The following AKT3 variants were observed in gnomAD, a reference collection of about 807,000 sequenced individuals.
AKT3 encodes AKT serine/threonine kinase 3, also known as RAC-gamma serine/threonine-protein kinase.
Under a neutral mutation model 65.3 loss-of-function variants are expected in AKT3, and 15 were observed. The observed-to-expected ratio is 0.23, with a 90% confidence interval of 0.15 to 0.35. The LOEUF (loss-of-function observed/expected upper bound fraction) is 0.35. Ranked by LOEUF, AKT3 falls within the 10% of genes least tolerant of loss-of-function variation. The pLI is 1.00. For synonymous variants in AKT3, 206 were observed against 183.8 expected (o/e 1.12, Z -0.98); for missense variants, 243 against 576.5 (o/e 0.42, Z 5.92).
chr1:243,630,553 C>A (rs1249673348), intron 6 of AKT3, among the ~76,000 whole-genome samples: 2 of 152,174 alleles, frequency 1.3e-5, no homozygotes, highest in South Asian at 2.1e-4. Context: ...GTAACTAATC[C>A]TCAGTAATTT....
intron 6 of AKT3, among the ~76,000 whole-genome samples, chr1:243,637,304 AATT>A (rs892816110): frequency 5.3e-5 from 8 of 152,246 alleles, no homozygotes; most frequent in Admixed American, 2.6e-4. Flanking sequence ...CGATAGGAGA[AATT>A]ATTAAAAAGC....
intron 2 of AKT3, among the ~76,000 whole-genome samples, chr1:243,733,953 T>C (rs1377920727): frequency 6.6e-6 from 1 of 152,218 alleles, no homozygotes; most frequent in African/African-American, 2.4e-5. Context: ...CTGTAACCAT[T>C]AGCCTAATTC....
chr1:243,824,270 T>G (rs752727773), intron 2 of AKT3, among the ~76,000 whole-genome samples: 4 of 152,122 alleles, frequency 2.6e-5, no homozygotes, highest in Non-Finnish European at 4.4e-5. Flanking sequence ...AATACAGATT[T>G]AAAGACTTAA....
intron 2 of AKT3, among the ~76,000 whole-genome samples, chr1:243,800,690 C>T (rs1034682709): frequency 1.3e-5 from 2 of 151,766 alleles, no homozygotes; most frequent in Admixed American, 6.6e-5. Flanking sequence ...TGCACTCCAG[C>T]CCAGCGACAG....
chr1:243,681,331 A>G (rs1453012461), intron 3 of AKT3, among the ~76,000 whole-genome samples: 3 of 152,148 alleles, frequency 2.0e-5, no homozygotes, highest in African/African-American at 7.2e-5. Flanking sequence ...TATACTCAAT[A>G]TTTCAAGAAA....
intron 2 of AKT3, among the ~76,000 whole-genome samples, chr1:243,713,489 C>A (rs1686286352): frequency 6.6e-6 from 1 of 152,110 alleles, no homozygotes; most frequent in Non-Finnish European, 1.5e-5. Context: ...TAAACCGTCT[C>A]AAGTTCTAGC....
intron 12 of AKT3, among the ~76,000 whole-genome samples, chr1:243,530,359 A>G (rs2148411143): frequency 6.6e-6 from 1 of 152,330 alleles, no homozygotes; most frequent in East Asian, 1.9e-4. Context: ...AGAAATCAAT[A>G]CTAAGAAACT....
At chr1:243,733,337 T>C (rs1462106568) in intron 2 of AKT3, among the ~76,000 whole-genome samples, 1 of 152,226 alleles carries the variant, frequency 6.6e-6, no homozygotes, top group Non-Finnish European at 1.5e-5. Context: ...TATTGTAGTA[T>C]TAACTGACTA....
At chr1:243,644,682 G>A (rs1680673995) in intron 5 of AKT3, among the ~76,000 whole-genome samples, 1 of 151,964 alleles carries the variant, frequency 6.6e-6, no homozygotes, top group South Asian at 2.1e-4. Flanking sequence ...CTCCAACTGA[G>A]TCTCCAAAAA....
At chr1:243,499,577 G>T (rs1257361329), downstream of AKT3, 2 of 648,004 alleles carry the variant, frequency 3.1e-6, no homozygotes, top group Non-Finnish European at 5.5e-6. Flanking sequence ...ATATGTGAAG[G>T]GCTTTGATGT....
At chr1:243,598,422 G>A (rs1445492571) in intron 8 of AKT3, among the ~76,000 whole-genome samples, 2 of 152,240 alleles carry the variant, frequency 1.3e-5, no homozygotes, top group East Asian at 1.9e-4. Flanking sequence ...GCTTAGCCAT[G>A]CTATAGGAAT....
At chr1:243,740,180 A>G (rs768111509) in intron 2 of AKT3, among the ~76,000 whole-genome samples, 68 of 152,176 alleles carry the variant, frequency 4.5e-4, no homozygotes, top group Non-Finnish European at 5.1e-4. Context: ...ATTAGCACCA[A>G]AACACTTAGA....
intron 6 of AKT3, among the ~76,000 whole-genome samples, chr1:243,632,463 T>C (rs1228245133): frequency 6.6e-6 from 1 of 152,222 alleles, no homozygotes; most frequent in Non-Finnish European, 1.5e-5. Flanking sequence ...GCAGATGTGC[T>C]TGTCATCCAA....
intron 2 of AKT3, among the ~76,000 whole-genome samples, chr1:243,782,840 G>A (rs1690999556): frequency 5.3e-5 from 8 of 152,156 alleles, no homozygotes; most frequent in Admixed American, 5.2e-4. Context: ...AAATGTGAAA[G>A]AACTTTAGGT....
chr1:243,757,822 G>A (rs553746549), intron 2 of AKT3, among the ~76,000 whole-genome samples: 9 of 150,920 alleles, frequency 6.0e-5, no homozygotes, highest in African/African-American at 1.7e-4. Context: ...GTATAGTGGC[G>A]CAATCTCGGC....
At chr1:243,669,092 T>TGA (rs1682997560) in intron 3 of AKT3, among the ~76,000 whole-genome samples, 1 of 152,220 alleles carries the variant, frequency 6.6e-6, no homozygotes, top group Admixed American at 6.5e-5. Flanking sequence ...CCAATTCCTA[T>TGA]GACTGACTCT....
chr1:243,636,855 A>G (rs1221127035), intron 6 of AKT3, among the ~76,000 whole-genome samples: 1 of 152,168 alleles, frequency 6.6e-6, no homozygotes, highest in African/African-American at 2.4e-5. Flanking sequence ...GTTGAGGTCA[A>G]AACAAATGTA....
At chr1:243,614,803 G>C (rs943878388) in intron 7 of AKT3, among the ~76,000 whole-genome samples, 3 of 152,004 alleles carry the variant, frequency 2.0e-5, no homozygotes, top group Non-Finnish European at 4.4e-5. Flanking sequence ...TCCTTAAAAT[G>C]CCAGAGGTAA....
At chr1:243,736,926 A>T (rs1687879964) in intron 2 of AKT3, among the ~76,000 whole-genome samples, 7 of 152,204 alleles carry the variant, frequency 4.6e-5, no homozygotes, top group Admixed American at 3.3e-4. Flanking sequence ...GAACCGTCAC[A>T]CACAAATAAC....
Sources: gnomAD v4.1 joint callset for allele counts (sites outside exome capture counted in the v4.1 genomes callset) on GRCh38, gnomAD v4.1.1 for gene constraint, MANE v1.5 for transcripts, NCBI Gene and HGNC (gene_info 2026-07-23, HGNC 2026-07-21) for gene names.